Variants in KLRG1 observed in about 807,000 individuals in gnomAD.
KLRG1 encodes the protein killer cell lectin like receptor G1.
Under a neutral mutation model 21.8 loss-of-function variants are expected in KLRG1, and 16 were observed. That is an observed-to-expected ratio of 0.73 (90% CI 0.50 to 1.11). KLRG1 has a LOEUF of 1.11. KLRG1 is among the 50% of genes most tolerant of loss of function. The pLI, the probability that KLRG1 is intolerant of heterozygous loss-of-function variation, is 0.00. For missense variants in KLRG1, 173 were observed against 218.3 expected (o/e 0.79, Z 1.31); for synonymous variants, 69 against 75.9 (o/e 0.91, Z 0.47).
intron 1 of KLRG1, among the ~76,000 whole-genome samples, chr12:8,956,389 A>T (rs952202526): frequency 6.6e-6 from 1 of 152,118 alleles, no homozygotes; most frequent in African/African-American, 2.4e-5. Context: ...CGGGGTGCAG[A>T]CCTCGGGATT....
At chr12:8,953,783 A>G (rs968845946) in intron 1 of KLRG1, among the ~76,000 whole-genome samples, 5 of 152,364 alleles carry the variant, frequency 3.3e-5, no homozygotes, top group East Asian at 1.9e-4. Context: ...ATCAGTTACT[A>G]AAAGAGGACT....
At chr12:9,099,920 AT>A in the KLRG1 span, among the ~76,000 whole-genome samples, 56 of 152,238 alleles carry the variant, frequency 3.7e-4, no homozygotes, top group African/African-American at 1.3e-3. Flanking sequence ...TTCTTTCTCC[AT>A]AAGAGGAACA....
intron 3 of KLRG1, among the ~76,000 whole-genome samples, chr12:9,008,654 CAA>C (rs1303026279): frequency 1.3e-5 from 2 of 151,936 alleles, no homozygotes; most frequent in Admixed American, 1.3e-4. Context: ...CCTCACTTGG[CAA>C]AGAGAGTGCT....
the KLRG1 span, chr12:9,208,379 GC>G: frequency 6.4e-7 from 1 of 1,555,816 alleles, no homozygotes; most frequent in Non-Finnish European, 8.9e-7. Flanking sequence ...CCAACTCTCT[GC>G]CCTCAGCCTC....
At chr12:9,208,522 G>A in the KLRG1 span, among the ~76,000 whole-genome samples, 1 of 152,072 alleles carries the variant, frequency 6.6e-6, no homozygotes, top group African/African-American at 2.4e-5. Flanking sequence ...CTCAGTGGTT[G>A]CCTCATTTTT....
chr12:8,989,008 C>A (rs1028270470), upstream of KLRG1, among the ~76,000 whole-genome samples: 2 of 152,032 alleles, frequency 1.3e-5, no homozygotes, highest in African/African-American at 2.4e-5. Context: ...AAAAATAAGA[C>A]AACAAAGAGA....
chr12:9,181,849 A>G, the KLRG1 span: 2 of 1,057,128 alleles, frequency 1.9e-6, no homozygotes, highest in Non-Finnish European at 2.7e-6. Flanking sequence ...GGTCTGCCAT[A>G]AACTTGTTGG....
intron 1 of KLRG1, among the ~76,000 whole-genome samples, chr12:8,963,821 A>G (rs1339438024): frequency 3.3e-5 from 5 of 152,230 alleles, no homozygotes; most frequent in Admixed American, 2.0e-4. Flanking sequence ...GTTTATTTGC[A>G]TAGAGGTGTT....
chr12:8,965,980 C>A (rs1396558498), intron 1 of KLRG1, among the ~76,000 whole-genome samples: 2 of 152,008 alleles, frequency 1.3e-5, no homozygotes, highest in African/African-American at 4.8e-5. Context: ...GTACTGGTAC[C>A]AAAACAGAGA....
chr12:9,112,308 C>T, the KLRG1 span: 2 of 1,602,384 alleles, frequency 1.2e-6, no homozygotes, highest in African/African-American at 1.3e-5. Context: ...AGGAACTTTG[C>T]CTGGGGAACA....
chr12:9,027,451 G>A, the KLRG1 span: 2 of 667,364 alleles, frequency 3.0e-6, no homozygotes, highest in Non-Finnish European at 5.3e-6. Context: ...GTGCTTGGCT[G>A]AGTTCACAAA....
chr12:9,012,917 C>G (rs191084751), downstream of KLRG1, among the ~76,000 whole-genome samples: 1 of 152,288 alleles, frequency 6.6e-6, no homozygotes, highest in Non-Finnish European at 1.5e-5. Context: ...GCTATGCTGG[C>G]TTCAGGTCTG....
At chr12:9,101,656 T>A in the KLRG1 span, 1 of 1,613,030 alleles carries the variant, frequency 6.2e-7, no homozygotes, top group Non-Finnish European at 8.5e-7. Flanking sequence ...TAACAGGGAC[T>A]ACGATCCTTG....
chr12:9,047,467 A>G, the KLRG1 span, among the ~76,000 whole-genome samples: 1 of 152,230 alleles, frequency 6.6e-6, no homozygotes, highest in Non-Finnish European at 1.5e-5. Flanking sequence ...ATGAAATAAT[A>G]TAAATTTCTC....
chr12:9,069,934 T>C, the KLRG1 span: 2 of 797,916 alleles, frequency 2.5e-6, no homozygotes, highest in African/African-American at 3.4e-5. Flanking sequence ...ATGCTTTTTG[T>C]AAGGAAATAT....
chr12:9,006,907 C>T (rs772685537), intron 3 of KLRG1, among the ~76,000 whole-genome samples: 10 of 152,294 alleles, frequency 6.6e-5, no homozygotes, highest in Admixed American at 2.6e-4. Context: ...AAATGCCATA[C>T]TGTATATTCA....
the KLRG1 span, among the ~76,000 whole-genome samples, chr12:9,198,480 A>G: frequency 6.6e-6 from 1 of 152,214 alleles, no homozygotes; most frequent in African/African-American, 2.4e-5. Flanking sequence ...ATAAGTACAT[A>G]ATAACTAAGC....
At chr12:9,162,432 T>C in the KLRG1 span, 1 of 600,058 alleles carries the variant, frequency 1.7e-6, no homozygotes, top group Non-Finnish European at 2.9e-6. Flanking sequence ...TCTCTTGGGC[T>C]CAATGTCTTC....
At chr12:9,094,340 C>CAA in the KLRG1 span, among the ~76,000 whole-genome samples, 1 of 97,030 alleles carries the variant, frequency 1.0e-5, no homozygotes, top group East Asian at 3.7e-4. Flanking sequence ...AAAAATTGTG[C>CAA]ATATATATAT....
Sources: allele counts gnomAD v4.1 joint callset (sites outside exome capture counted in the v4.1 genomes callset), GRCh38; gene constraint gnomAD v4.1.1; transcripts MANE v1.5; gene names NCBI Gene and HGNC (gene_info 2026-07-23, HGNC 2026-07-21).